Variants in RGS5 observed in about 807,000 individuals in gnomAD.
The protein encoded by RGS5 is regulator of G-protein signalling 5.
In RGS5, 20 loss-of-function variants were observed where a neutral mutation model predicts 18.9. The observed-to-expected ratio is 1.06, with a 90% CI of 0.74 to 1.54. The LOEUF (loss-of-function observed/expected upper bound fraction) is 1.54, where lower values mean the gene tolerates loss of function less well. RGS5 is among the 40% of genes most tolerant of loss of function. RGS5 has a pLI of 0.00. For missense variants in RGS5, 201 were observed against 211.8 expected (o/e 0.95, Z 0.32); for synonymous variants, 57 against 76.2 (o/e 0.75, Z 1.31).
chr1:163,192,192 G>C (rs1324797699), intron 1 of RGS5, among the ~76,000 whole-genome samples: 1 of 152,156 alleles, frequency 6.6e-6, no homozygotes, highest in East Asian at 1.9e-4. Flanking sequence ...CTAAAGAAGG[G>C]ATTACAGGAA....
intron 2 of RGS5, among the ~76,000 whole-genome samples, chr1:163,241,467 G>C (rs1647791184): frequency 6.6e-6 from 1 of 152,132 alleles, no homozygotes; most frequent in African/African-American, 2.4e-5. Context: ...GAAGAAACTT[G>C]GAGTAAAATA....
intron 1 of RGS5, among the ~76,000 whole-genome samples, chr1:163,168,950 G>A (rs968702564): frequency 3.3e-5 from 5 of 151,886 alleles, no homozygotes; most frequent in African/African-American, 1.2e-4. Context: ...CCATGTTGGT[G>A]TGCTGCACCC....
intron 2 of RGS5, among the ~76,000 whole-genome samples, chr1:163,294,607 C>T (rs1325659881): frequency 6.6e-6 from 1 of 152,210 alleles, no homozygotes; most frequent in Non-Finnish European, 1.5e-5. Flanking sequence ...TCCCATTTGT[C>T]TTGGCTATTA....
At chr1:163,183,021 TCA>T (rs2102417990) in intron 1 of RGS5, among the ~76,000 whole-genome samples, 1 of 152,274 alleles carries the variant, frequency 6.6e-6, no homozygotes, top group East Asian at 1.9e-4. Context: ...ATGTATTACA[TCA>T]CTTAATAAAA....
chr1:163,193,098 T>C (rs1659422278), intron 1 of RGS5, among the ~76,000 whole-genome samples: 1 of 152,204 alleles, frequency 6.6e-6, no homozygotes, highest in African/African-American at 2.4e-5. Context: ...CTTCACATTT[T>C]TACAAGTACT....
chr1:163,211,053 T>C (rs946401687), intron 1 of RGS5: 7 of 152,174 alleles, frequency 4.6e-5, no homozygotes, highest in Non-Finnish European at 8.8e-5. Flanking sequence ...AGGAGTGAAA[T>C]GGGTAAGGTT....
intron 2 of RGS5, among the ~76,000 whole-genome samples, chr1:163,263,279 G>T (rs1233963425): frequency 6.6e-6 from 1 of 152,120 alleles, no homozygotes; most frequent in East Asian, 1.9e-4. Flanking sequence ...CCTTTCCTGA[G>T]TCTTCCAAAT....
intron 2 of RGS5, among the ~76,000 whole-genome samples, chr1:163,256,123 G>A (rs1648265628): frequency 6.6e-6 from 1 of 152,150 alleles, no homozygotes; most frequent in African/African-American, 2.4e-5. Flanking sequence ...CAGTTAGGCA[G>A]GAGAAGGAAA....
intron 2 of RGS5, among the ~76,000 whole-genome samples, chr1:163,165,549 C>A (rs947419534): frequency 2.6e-5 from 4 of 152,132 alleles, no homozygotes; most frequent in Admixed American, 1.3e-4. Flanking sequence ...AGTGGGAGCA[C>A]TTAGAGAAAG....
At chr1:163,278,737 A>G (rs1485882490) in intron 2 of RGS5, among the ~76,000 whole-genome samples, 2 of 152,168 alleles carry the variant, frequency 1.3e-5, no homozygotes, top group African/African-American at 4.8e-5. Context: ...AAATTCTCCA[A>G]TTAAAAGAAA....
At chr1:163,252,257 C>T (rs1407154343) in intron 2 of RGS5, among the ~76,000 whole-genome samples, 1 of 151,346 alleles carries the variant, frequency 6.6e-6, no homozygotes, top group Non-Finnish European at 1.5e-5. Flanking sequence ...GATGTAATGC[C>T]TTTCTTGTCT....
At chr1:163,208,640 A>G (rs1420427028) in intron 1 of RGS5, among the ~76,000 whole-genome samples, 1 of 151,462 alleles carries the variant, frequency 6.6e-6, no homozygotes, top group African/African-American at 2.4e-5. Context: ...GGACAAGGGT[A>G]TAATTGACAT....
chr1:163,202,153 A>G (rs1444637653), intron 1 of RGS5, among the ~76,000 whole-genome samples: 1 of 152,138 alleles, frequency 6.6e-6, no homozygotes, highest in Non-Finnish European at 1.5e-5. Context: ...CCATCCAGTT[A>G]CTTCTATCTA....
intron 2 of RGS5, among the ~76,000 whole-genome samples, chr1:163,295,353 T>G (rs1319076232): frequency 6.6e-6 from 1 of 152,218 alleles, no homozygotes; most frequent in East Asian, 1.9e-4. Flanking sequence ...ACTAAAAAAC[T>G]AGGTTATAAT....
intron 2 of RGS5, among the ~76,000 whole-genome samples, chr1:163,242,964 A>G (rs1647828443): frequency 6.6e-6 from 1 of 152,222 alleles, no homozygotes; most frequent in Non-Finnish European, 1.5e-5. Flanking sequence ...TAGTTTTACT[A>G]TGTGTTTGCA....
intron 1 of RGS5, among the ~76,000 whole-genome samples, chr1:163,306,735 T>G (rs1301309782): frequency 6.6e-6 from 1 of 152,038 alleles, no homozygotes; most frequent in Non-Finnish European, 1.5e-5. Context: ...AAAGGAAATT[T>G]GGACACAAAA....
At chr1:163,150,158 G>T (rs778869496) in intron 4 of RGS5, among the ~76,000 whole-genome samples, 14 of 152,080 alleles carry the variant, frequency 9.2e-5, no homozygotes, top group Non-Finnish European at 1.8e-4. Context: ...GTATACTATT[G>T]TACTCTTGCA....
intron 1 of RGS5, chr1:163,212,961 T>C (rs924326721): frequency 2.0e-5 from 3 of 152,192 alleles, no homozygotes; most frequent in Non-Finnish European, 4.4e-5. Flanking sequence ...ATCTTTTTCT[T>C]CTTCTCTTTT....
intron 2 of RGS5, among the ~76,000 whole-genome samples, chr1:163,259,243 C>A (rs942826898): frequency 1.3e-5 from 2 of 151,982 alleles, no homozygotes; most frequent in Non-Finnish European, 2.9e-5. Context: ...GCTCCAACTT[C>A]CGGGTTCATG....
Sources: allele counts gnomAD v4.1 joint callset (sites outside exome capture counted in the v4.1 genomes callset), GRCh38; gene constraint gnomAD v4.1.1; transcripts MANE v1.5; gene names NCBI Gene and HGNC (gene_info 2026-07-23, HGNC 2026-07-21).